The following TMEM135 variants were observed in gnomAD, a reference collection of about 807,000 sequenced individuals.
The protein encoded by TMEM135 is transmembrane protein 135.
A neutral mutation model predicts 60.3 loss-of-function variants in TMEM135; 30 were observed. The observed-to-expected ratio is 0.50, with a 90% CI of 0.37 to 0.68. The LOEUF is 0.68. Ranked by LOEUF, TMEM135 falls within the 30% of genes least tolerant of loss-of-function variation. The probability of loss-of-function intolerance (pLI) is 0.00; values close to 1 mark genes in which losing one functional copy is unlikely to be tolerated. For missense variants in TMEM135, 468 were observed against 548.8 expected (o/e 0.85, Z 1.47); for synonymous variants, 190 against 186.7 (o/e 1.02, Z -0.14).
At chr11:87,214,346 G>A (rs1013054650) in intron 5 of TMEM135, among the ~76,000 whole-genome samples, 7 of 152,102 alleles carry the variant, frequency 4.6e-5, no homozygotes, top group African/African-American at 1.7e-4. Flanking sequence ...AAACTTCCAT[G>A]TACTCAATCA....
At position 87,314,493 on chromosome 11, in the gene TMEM135, G is replaced by A. The variant is rs760114986; in HGVS notation, c.1023G>A (p.Met341Ile). The stretch of plus-strand genomic sequence containing the variant: ...CAGGATTTTTGGCAGGTATATCAAT[G>A]ATGTTTTATAAAAGCACAACAATTT... The part of the protein sequence containing the change: ...IIAGFLAGIS[M>I]MFYKSTTISM... Residue 341 changes from methionine to isoleucine, a missense_variant, in exon 12 of 15, where the codon ATG becomes ATA. Transcript: ENST00000305494. 6.2e-7 allele frequency: 1 copy of A among 1,610,542 alleles called. No homozygotes were observed. Among genetic ancestry groups the A allele is most frequent in the East Asian group, 2.2e-5 (1 of 44,698 alleles).
rs1449919589 is a variant in TMEM135, at chr11:87,324,721, G to T, written c.*3388G>T. On this transcript the variant is annotated 3_prime_UTR_variant, in exon 15 of 15. Transcript: ENST00000305494. ...TCTGGGATTCCAGGTGTGAGCCACG[G>T]TACCTAGCCATATTTTTATTTGTAT... 8.8e-6 allele frequency: 4 copies of T among 453,766 alleles called. No homozygotes were observed. The highest frequency in any genetic ancestry group is 8.0e-5 in the African/African-American group (4 of 49,936). The allele number at this position is 453,766 out of a possible 1,614,324, so 28.1% of individuals were successfully genotyped here. A position where few individuals can be genotyped will look rare whatever the true frequency, so the allele number is the denominator to read the frequency against.
intron 4 of TMEM135, among the ~76,000 whole-genome samples, chr11:87,143,452 G>A (rs986428982): frequency 2.0e-5 from 3 of 150,724 alleles, no homozygotes; most frequent in Admixed American, 6.6e-5. Flanking sequence ...ATTGGAAATT[G>A]GACATTTTAT....
Position 87,324,028 on chromosome 11 carries a change from C to T in TMEM135, c.*2695C>T. The T allele has an allele frequency of 2.2e-6, 1 of 453,804 alleles. No homozygotes were observed. The highest frequency in any genetic ancestry group is 1.6e-5 in the South Asian group (1 of 64,400). The allele number at this position is 453,804 out of a possible 1,614,324, so 28.1% of individuals were successfully genotyped here. On this transcript the variant is annotated 3_prime_UTR_variant, in exon 15 of 15. Transcript: ENST00000305494. ...TTTGGCTCTCAGATTTTATAATGAA[C>T]TTTTATTAGACTGAACATGTATGTT...
At chr11:87,195,302 T>TC (rs1269953498) in intron 5 of TMEM135, among the ~76,000 whole-genome samples, 1 of 151,330 alleles carries the variant, frequency 6.6e-6, no homozygotes, top group African/African-American at 2.4e-5. Flanking sequence ...AGTCATTTTC[T>TC]CTTTCTTTCT....
intron 4 of TMEM135, among the ~76,000 whole-genome samples, chr11:87,145,535 T>G (rs1938390159): frequency 6.6e-6 from 1 of 152,180 alleles, no homozygotes; most frequent in Non-Finnish European, 1.5e-5. Flanking sequence ...CGTACTAATT[T>G]ATATTCCCAC....
At chr11:87,091,478 G>A in intron 4 of TMEM135, 83 bp downstream of exon 4, 1 of 1,340,986 alleles carries the variant, frequency 7.5e-7, no homozygotes, top group Non-Finnish European at 1.1e-6. Context: ...AAGTAAAAGA[G>A]GAAAGCCACT....
At chr11:87,253,785 A>G (rs1941469913) in intron 6 of TMEM135, among the ~76,000 whole-genome samples, 1 of 151,162 alleles carries the variant, frequency 6.6e-6, no homozygotes, top group South Asian at 2.1e-4. Context: ...TCTTATTTCT[A>G]AGTTACAATT....
chr11:87,068,423 C>T (rs1590993349), intron 2 of TMEM135, among the ~76,000 whole-genome samples: 2 of 152,178 alleles, frequency 1.3e-5, no homozygotes, highest in African/African-American at 4.8e-5. Context: ...GCTGAAAACT[C>T]AAACTTACGT....
chr11:87,203,032 C>CA (rs534909524), intron 5 of TMEM135, among the ~76,000 whole-genome samples: 2,067 of 33,442 alleles, frequency 0.062, 217 homozygotes, highest in Non-Finnish European at 0.093. Flanking sequence ...GACTCCGTCT[C>CA]AAAAAAAAAA....
At chr11:87,163,848 G>A (rs1486634078) in intron 5 of TMEM135, among the ~76,000 whole-genome samples, 1 of 142,772 alleles carries the variant, frequency 7.0e-6, no homozygotes, top group Non-Finnish European at 1.5e-5. Flanking sequence ...TTTGAGAAGT[G>A]TCTGTTCATG....
At chr11:87,094,200 G>A (rs554578580) in intron 4 of TMEM135, among the ~76,000 whole-genome samples, 1 of 152,182 alleles carries the variant, frequency 6.6e-6, no homozygotes, top group Admixed American at 6.5e-5. Flanking sequence ...GCTTTGTTTG[G>A]AGACTGCTTG....
chr11:87,074,321 G>C (rs1856829366), intron 3 of TMEM135, among the ~76,000 whole-genome samples: 2 of 152,176 alleles, frequency 1.3e-5, no homozygotes, highest in Non-Finnish European at 2.9e-5. Flanking sequence ...GCTTAGAACA[G>C]TGCCTGACAC....
intron 5 of TMEM135, among the ~76,000 whole-genome samples, chr11:87,189,853 G>T (rs1939755364): frequency 6.6e-6 from 1 of 151,858 alleles, no homozygotes; most frequent in Non-Finnish European, 1.5e-5. Flanking sequence ...GGAAGTTTAG[G>T]TTTCAGTGAG....
chr11:87,230,588 G>A (rs1166358132), intron 5 of TMEM135, among the ~76,000 whole-genome samples: 2 of 152,022 alleles, frequency 1.3e-5, no homozygotes, highest in African/African-American at 4.8e-5. Flanking sequence ...GATTTTTTGT[G>A]TCAATTTACA....
At chr11:87,221,365 A>T (rs1317793569) in intron 5 of TMEM135, among the ~76,000 whole-genome samples, 1 of 152,208 alleles carries the variant, frequency 6.6e-6, no homozygotes, top group Non-Finnish European at 1.5e-5. Context: ...CTTTGGTAAG[A>T]GGATTCCAAA....
intron 5 of TMEM135, among the ~76,000 whole-genome samples, chr11:87,207,991 A>G (rs1247449566): frequency 6.6e-6 from 1 of 152,132 alleles, no homozygotes; most frequent in Non-Finnish European, 1.5e-5. Flanking sequence ...TAAAAACATC[A>G]ATAAACAAAG....
At chr11:87,316,289 A>T (rs979192114) in intron 12 of TMEM135, among the ~76,000 whole-genome samples, 5 of 150,646 alleles carry the variant, frequency 3.3e-5, no homozygotes, top group African/African-American at 9.7e-5. Context: ...TGTGTGTGAG[A>T]GAGAGAGAGA....
intron 6 of TMEM135, among the ~76,000 whole-genome samples, chr11:87,290,529 A>G (rs1196547213): frequency 1.3e-5 from 2 of 152,196 alleles, no homozygotes; most frequent in East Asian, 1.9e-4. Context: ...TGACTATCTC[A>G]TGAAAGTAAT....
Sources: gnomAD v4.1 joint callset for allele counts (sites outside exome capture counted in the v4.1 genomes callset) on GRCh38, gnomAD v4.1.1 for gene constraint, MANE v1.5 for transcripts, NCBI Gene and HGNC (gene_info 2026-07-23, HGNC 2026-07-21) for gene names.